The following CLHC1 variants were observed in gnomAD, a reference collection of about 807,000 sequenced individuals.
The protein encoded by CLHC1 is clathrin heavy chain linker domain containing 1.
In CLHC1, 72 loss-of-function variants were observed where a neutral mutation model predicts 69.5. The ratio of observed to expected loss-of-function variants is 1.04; its 90% CI spans 0.86 to 1.26. CLHC1 has a LOEUF of 1.26. Among genes scored for constraint, CLHC1 ranks in the 50% most tolerant of loss-of-function variants. The pLI is 0.00. For synonymous variants in CLHC1, 223 were observed against 224.3 expected (o/e 0.99, Z 0.05); for missense variants, 790 against 679.3 (o/e 1.16, Z -1.81).
At chr2:55,183,780 T>C (rs1013824194) in intron 9 of CLHC1, among the ~76,000 whole-genome samples, 1 of 152,192 alleles carries the variant, frequency 6.6e-6, no homozygotes, top group African/African-American at 2.4e-5. Context: ...CCTAGTTTTC[T>C]TTTCTTTATT....
intron 9 of CLHC1, among the ~76,000 whole-genome samples, chr2:55,188,033 G>A (rs921939289): frequency 6.6e-6 from 1 of 152,150 alleles, no homozygotes; most frequent in Non-Finnish European, 1.5e-5. Flanking sequence ...ATATATATGA[G>A]CTGAGTGCAG....
In CLHC1 at chr2:55,175,854, GC is replaced by G; in HGVS notation, c.1696del (p.Ala566LeufsTer15). On this transcript the variant is annotated frameshift_variant, in exon 13 of 13. Transcript: ENST00000401408. LOFTEE classifies it high-confidence loss of function. ...CTCTTCAGAAATTTCTGTAACTGCA[GC>G]CTGAGATCGAAGAATAGACGTGATG... ...NDITSILRSQ[A>X]AVTEISEEDD... 2 of 1,614,008 alleles carry G rather than the reference GC, an allele frequency of 1.2e-6. No individual in the cohort carries two copies. Among genetic ancestry groups the G allele is most frequent in the Non-Finnish European group, 1.7e-6 (2 of 1,179,930 alleles).
At chr2:55,229,084 G>A (rs1288219209) in intron 1 of CLHC1, among the ~76,000 whole-genome samples, 1 of 148,436 alleles carries the variant, frequency 6.7e-6, no homozygotes, top group East Asian at 2.0e-4. Flanking sequence ...CAGAGAGGTG[G>A]AGGTTGCAGT....
intron 12 of CLHC1, among the ~76,000 whole-genome samples, chr2:55,176,761 T>C (rs1669428087): frequency 1.3e-5 from 2 of 152,210 alleles, no homozygotes; most frequent in African/African-American, 4.8e-5. Context: ...TCTGTAATGA[T>C]AATTTCAAAA....
At position 55,173,977 on chromosome 2, in the gene CLHC1, A is replaced by C. The variant is rs780241335; in HGVS notation, c.*1813T>G. ...TTTTCTAAGCTCTGTCAATGGACAC[A>C]TAATAGCTTTCTATCAATCATATAG... On this transcript the variant is annotated 3_prime_UTR_variant, in exon 13 of 13. Transcript: ENST00000401408. Among the ~76,000 whole-genome samples the C allele has an allele frequency of 1.3e-5, 2 of 150,946 alleles. No homozygotes were observed. The highest frequency in any genetic ancestry group is 4.9e-5 in the African/African-American group (2 of 40,980).
At chr2:55,176,873 TA>T (rs1669435133) in intron 12 of CLHC1, among the ~76,000 whole-genome samples, 2 of 152,194 alleles carry the variant, frequency 1.3e-5, no homozygotes, top group South Asian at 2.1e-4. Context: ...AAGTGAGTTT[TA>T]ATTATTCTCT....
chr2:55,190,547 G>A (rs2103774418), intron 9 of CLHC1, among the ~76,000 whole-genome samples: 1 of 152,236 alleles, frequency 6.6e-6, no homozygotes, highest in African/African-American at 2.4e-5. Context: ...GTAGAGACAT[G>A]AGCTATATAA....
At chr2:55,216,260 C>G (rs1332115300) in intron 4 of CLHC1, 1 of 150,764 alleles carries the variant, frequency 6.6e-6, no homozygotes, top group African/African-American at 2.4e-5. Flanking sequence ...CACCATTGCA[C>G]TCCGACCTGA....
At chr2:55,205,476 C>T (rs564974288) in intron 9 of CLHC1, among the ~76,000 whole-genome samples, 12 of 151,836 alleles carry the variant, frequency 7.9e-5, no homozygotes, top group Admixed American at 1.3e-4. Context: ...TAAAACTGAA[C>T]GCCATTATCC....
intron 9 of CLHC1, among the ~76,000 whole-genome samples, chr2:55,203,471 C>T (rs544936743): frequency 1.3e-3 from 201 of 152,156 alleles, no homozygotes; most frequent in African/African-American, 4.8e-3. Context: ...ATGCACAGTC[C>T]AATGGAACAG....
chr2:55,227,779 G>GT (rs1674858518), intron 2 of CLHC1, among the ~76,000 whole-genome samples: 1 of 151,902 alleles, frequency 6.6e-6, no homozygotes, highest in South Asian at 2.1e-4. Flanking sequence ...GCTTCCTACC[G>GT]TATTACCCTT....
chr2:55,183,779 C>A (rs1670141134), intron 9 of CLHC1, among the ~76,000 whole-genome samples: 1 of 152,028 alleles, frequency 6.6e-6, no homozygotes, highest in Non-Finnish European at 1.5e-5. Context: ...TCCTAGTTTT[C>A]TTTTCTTTAT....
chr2:55,225,542 G>C (rs1385508872), intron 2 of CLHC1: 1 of 152,270 alleles, frequency 6.6e-6, no homozygotes, highest in African/African-American at 2.4e-5. Context: ...CTCTCTGTAA[G>C]CTCTGGCTTC....
intron 11 of CLHC1, 81 bp from the exon 12 acceptor site, chr2:55,177,862 A>C (rs1573578086): frequency 2.7e-5 from 27 of 987,588 alleles, no homozygotes; most frequent in African/African-American, 3.3e-5. Flanking sequence ...TAATGTCTAT[A>C]CCTGCCAATC....
At chr2:55,198,117 CTTG>C (rs1268367758) in intron 9 of CLHC1, among the ~76,000 whole-genome samples, 3 of 152,048 alleles carry the variant, frequency 2.0e-5, no homozygotes, top group Non-Finnish European at 4.4e-5. Context: ...GATTAGTGAT[CTTG>C]AAGCCAGACT....
At chr2:55,220,890 A>G (rs935594523) in intron 3 of CLHC1, among the ~76,000 whole-genome samples, 3 of 152,206 alleles carry the variant, frequency 2.0e-5, no homozygotes, top group Non-Finnish European at 4.4e-5. Context: ...ATTGATCCTA[A>G]CAGCATATAA....
In CLHC1 at chr2:55,175,997, A is replaced by C. The variant is rs1558436841; in HGVS notation, c.1565-11T>G. ...GACTTTCTACTGCATCTGTGGGGAA[A>C]AAATACAATATTATAGTATGGCACT... On this transcript the variant is annotated splice_polypyrimidine_tract_variant and intron_variant, in intron 12 of 12. Transcript: ENST00000401408. 1.9e-6 allele frequency: 3 copies of C among 1,601,010 alleles called. No homozygotes were observed. Among genetic ancestry groups the C allele is most frequent in the East Asian group, 4.5e-5 (2 of 44,784 alleles).
chr2:55,211,740 T>G (rs1346261313), intron 5 of CLHC1, among the ~76,000 whole-genome samples: 1 of 152,162 alleles, frequency 6.6e-6, no homozygotes, highest in East Asian at 1.9e-4. Context: ...TCTCAAAGTC[T>G]TTCTTTTTTC....
chr2:55,225,583 A>AC (rs1674613738), intron 2 of CLHC1: 1 of 151,898 alleles, frequency 6.6e-6, no homozygotes, highest in Non-Finnish European at 1.5e-5. Flanking sequence ...GTCTCCCCTG[A>AC]CCCCAAGTCA....
Sources: gnomAD v4.1 joint callset for allele counts (sites outside exome capture counted in the v4.1 genomes callset) on GRCh38, gnomAD v4.1.1 for gene constraint, MANE v1.5 for transcripts, NCBI Gene and HGNC (gene_info 2026-07-23, HGNC 2026-07-21) for gene names.